The following DNAAF1 variants were observed in gnomAD, a reference collection of about 807,000 sequenced individuals.
DNAAF1 encodes the protein dynein axonemal assembly factor 1, also known as dynein assembly factor 1, axonemal.
A neutral mutation model predicts 71.1 loss-of-function variants in DNAAF1; 65 were observed. The observed-to-expected ratio is 0.91, with a 90% CI of 0.75 to 1.12. The LOEUF (loss-of-function observed/expected upper bound fraction) is 1.12, where lower values mean the gene tolerates loss of function less well. Ranked by LOEUF, DNAAF1 falls within the 50% of genes most tolerant of loss-of-function variation. DNAAF1 has a pLI of 0.00. For missense variants in DNAAF1, 1,178 were observed against 899.8 expected, an observed-to-expected ratio of 1.31 and a Z score of -3.96; for synonymous variants, 414 against 354.6, an observed-to-expected ratio of 1.17 and a Z score of -1.88.
In DNAAF1 at chr16:84,154,676, C is replaced by G. The variant is rs200506263; in HGVS notation, c.452C>G (p.Thr151Ser). ...AAAATCGAAAACCTGGAGGCCCAAACTGAGTTGCGTTGCCTCTTCTTGCAA... is the reference window on the plus strand; with the variant it reads ...AAAATCGAAAACCTGGAGGCCCAAAGTGAGTTGCGTTGCCTCTTCTTGCAA... ...IQKIENLEAQ[T>S]ELRCLFLQMN... Residue 151 changes from threonine (T) to serine (S), a missense_variant, in exon 4 of 12, where the codon ACT (threonine) becomes AGT (serine). Physicochemically the swap from Thr to Ser is moderately conservative, Grantham distance 58 (BLOSUM62 1). Coordinates refer to ENST00000378553, the MANE Select transcript of DNAAF1 (RefSeq NM_178452.6). The G allele has an allele frequency of 1.9e-6, 3 of 1,614,176 alleles. No individual in the cohort carries two copies. Among genetic ancestry groups the G allele is most frequent in the South Asian group, 1.1e-5 (1 of 91,084 alleles).
chr16:84,164,233 G>C (rs1400394181), intron 6 of DNAAF1, among the ~76,000 whole-genome samples: 1 of 152,220 alleles, frequency 6.6e-6, no homozygotes, highest in Non-Finnish European at 1.5e-5. Flanking sequence ...TGGTACGTTT[G>C]TGACAAGCGA....
In DNAAF1 at chr16:84,145,346, G is replaced by A. The variant is rs2086848562; in HGVS notation, c.-95G>A. ...CGCCAGCGGCTGGCGAAGAAGGAAAGAGGGTACTCTCTGGCTGGGCTGGGG... is the reference window on the plus strand; with the variant it reads ...CGCCAGCGGCTGGCGAAGAAGGAAAAAGGGTACTCTCTGGCTGGGCTGGGG... On this transcript the variant is annotated 5_prime_UTR_variant, in exon 1 of 12. Transcript: ENST00000378553. The A allele has an allele frequency of 2.6e-6, 4 of 1,532,182 alleles. No individual in the cohort carries two copies. The South Asian group carries it at 3.6e-5, about 14-fold the overall frequency. 94.9% of individuals were successfully genotyped at this position (1,532,182 alleles called of 1,614,324 possible).
Position 84,159,690 on chromosome 16 carries a change from A to T in DNAAF1, c.757A>T (p.Met253Leu). ...SMPDLRVLNL[M>L]GNPVIRQIPN... ...CTTCTTGCAGCGTGTACTGAATTTG[A>T]TGGGAAACCCGGTTATCAGACAGAT... The change falls in exon 6 of 12, where the codon ATG becomes TTG. Residue 253 changes from methionine (M) to leucine (L), a missense_variant. Met to Leu is a conservative substitution (Grantham distance 15, BLOSUM62 2). Transcript: ENST00000378553. The T allele has an allele frequency of 6.2e-7, 1 of 1,613,316 alleles. No homozygotes were observed. Among genetic ancestry groups the T allele is most frequent in the Non-Finnish European group, 8.5e-7 (1 of 1,179,494 alleles).
At chr16:84,157,259 A>C (rs536543361) in intron 5 of DNAAF1, among the ~76,000 whole-genome samples, 10 of 152,174 alleles carry the variant, frequency 6.6e-5, no homozygotes, top group African/African-American at 2.4e-4. Context: ...ATGGTGGCCC[A>C]CACCTGTAAT....
In DNAAF1 at chr16:84,155,663, T is replaced by C. The variant is rs773607269; in HGVS notation, c.655T>C (p.Cys219Arg). The change falls in exon 5 of 12, where the codon TGT (cysteine) becomes CGT (arginine). Residue 219 changes from cysteine to arginine, a missense_variant. By Grantham distance (180) the Cys-to-Arg change is radical. Transcript: ENST00000378553. ...GGAGGACATTCAGCATCTACAAGAG[T>C]GTTTGAGGCTTTGTGTCCTTGACCT... Reference protein sequence around the residue: ...TVEDIQHLQECLRLCVLDLSH... With the variant: ...TVEDIQHLQERLRLCVLDLSH... 34 of 1,613,862 alleles carry C rather than the reference T, an allele frequency of 2.1e-5. No homozygotes were observed. The highest frequency in any genetic ancestry group is 1.3e-4 in the African/African-American group (10 of 74,846).
intron 5 of DNAAF1, among the ~76,000 whole-genome samples, chr16:84,156,812 TTC>T (rs1365734371): frequency 1.3e-4 from 19 of 151,902 alleles, no homozygotes; most frequent in Middle Eastern, 3.4e-3. Context: ...CATTTTTCTT[TTC>T]TTTTCTTTTC....
At chr16:84,147,918 A>G (rs2151202956) in intron 1 of DNAAF1, among the ~76,000 whole-genome samples, 1 of 152,246 alleles carries the variant, frequency 6.6e-6, no homozygotes, top group Admixed American at 6.5e-5. Flanking sequence ...ATACAAAAAA[A>G]TTAGCTAGGC....
intron 7 of DNAAF1, among the ~76,000 whole-genome samples, chr16:84,169,079 T>C (rs2088182093): frequency 6.4e-5 from 3 of 47,092 alleles, no homozygotes; most frequent in East Asian, 4.7e-4. Flanking sequence ...CAAGGATACT[T>C]TTTTTTTTTT....
intron 7 of DNAAF1, among the ~76,000 whole-genome samples, chr16:84,169,317 G>A (rs907835768): frequency 2.6e-5 from 4 of 151,424 alleles, no homozygotes; most frequent in African/African-American, 9.7e-5. Flanking sequence ...AACTCCTGAT[G>A]TCAAATGATC....
rs748502427 is a variant in DNAAF1, at chr16:84,155,568, G to A, written c.575-15G>A. On this transcript the variant is annotated splice_polypyrimidine_tract_variant and intron_variant, in intron 4 of 11. Coordinates refer to ENST00000378553, the MANE Select transcript of DNAAF1 (RefSeq NM_178452.6). ...TATGCCTTTGTTTTTGACTTCTGCT[G>A]ACCTTACCTTCCAGCCTGCCTCCCA... 6 of 1,613,876 alleles carry A rather than the reference G, an allele frequency of 3.7e-6. No homozygotes were observed. Among genetic ancestry groups the A allele is most frequent in the Non-Finnish European group, 4.2e-6 (5 of 1,179,936 alleles).
intron 2 of DNAAF1, 47 bp from the exon 3 acceptor site, chr16:84,150,204 A>C (rs2087119689): frequency 2.1e-6 from 3 of 1,407,278 alleles, no homozygotes; most frequent in African/African-American, 2.8e-5. Context: ...TATGTTTTAC[A>C]GCTGACAATT....
intron 7 of DNAAF1, among the ~76,000 whole-genome samples, chr16:84,168,927 C>T (rs1290965911): frequency 1.3e-5 from 2 of 151,774 alleles, no homozygotes; most frequent in East Asian, 1.9e-4. Flanking sequence ...AGTGCTTCAG[C>T]GTGCATCTCC....
Position 84,169,796 on chromosome 16 carries a change from C to T in DNAAF1, c.1031-63C>T, listed in dbSNP as rs1450346018. Reference sequence around the variant, plus strand: ...AAGTTTGCTGTGAGCCCTTGATGTACCCACAAACACCCTTGTCCTCCCAGG... The same window carrying T: ...AAGTTTGCTGTGAGCCCTTGATGTATCCACAAACACCCTTGTCCTCCCAGG... On this transcript the variant is annotated intron_variant, in intron 7 of 11. Coordinates refer to ENST00000378553, the MANE Select transcript of DNAAF1 (RefSeq NM_178452.6). 2.5e-6 allele frequency: 4 copies of T among 1,608,802 alleles called. No homozygotes were observed. The South Asian group carries it at 4.4e-5, about 18-fold the overall frequency.
chr16:84,155,215 G>A (rs947266237), intron 4 of DNAAF1, among the ~76,000 whole-genome samples: 3 of 151,194 alleles, frequency 2.0e-5, no homozygotes, highest in African/African-American at 7.3e-5. Context: ...GCCAAGAAGT[G>A]TTTTTGGTTT....
chr16:84,172,766 A>G, intron 9 of DNAAF1: 2 of 1,122,314 alleles, frequency 1.8e-6, no homozygotes, highest in Non-Finnish European at 2.2e-6. Context: ...GTTACATTGT[A>G]TCTTTATACA....
intron 7 of DNAAF1, among the ~76,000 whole-genome samples, chr16:84,169,018 G>T (rs2088177298): frequency 6.6e-6 from 1 of 151,134 alleles, no homozygotes; most frequent in Non-Finnish European, 1.5e-5. Context: ...CCTTCCGTAG[G>T]CATTTGGCTC....
At position 84,173,441 on chromosome 16, in the gene DNAAF1, G is replaced by A. The variant is rs1037628366; in HGVS notation, c.1644+1066G>A. 1.6e-5 allele frequency: 15 copies of A among 964,852 alleles called. No individual in the cohort carries two copies. In the African/African-American group the frequency reaches 1.9e-4, roughly 12 times the overall value. 59.8% of individuals were successfully genotyped at this position (964,852 alleles called of 1,614,324 possible). ...ATCACGCCACTGCACTCCAACCTGGGCGACAGAGCGAGACTCCATCTCAAA... is the reference window on the plus strand; with the variant it reads ...ATCACGCCACTGCACTCCAACCTGGACGACAGAGCGAGACTCCATCTCAAA... On this transcript the variant is annotated intron_variant, in intron 9 of 11. Transcript: ENST00000378553.
intron 2 of DNAAF1, among the ~76,000 whole-genome samples, chr16:84,149,787 G>T (rs902963630): frequency 1.3e-5 from 2 of 151,978 alleles, no homozygotes; most frequent in African/African-American, 4.8e-5. Flanking sequence ...TACTTTGGGA[G>T]GCCAAGGTGG....
Position 84,149,019 on chromosome 16 carries a change from C to T in DNAAF1, c.137C>T (p.Pro46Leu), listed in dbSNP as rs748803341. Residue 46 changes from proline (P) to leucine (L), a missense_variant, in exon 2 of 12, where the codon CCT (proline) becomes CTT (leucine). Transcript: ENST00000378553. Reference protein sequence around the residue: ...RGGCKEEINDPKEICVGSSDT... With the variant: ...RGGCKEEINDLKEICVGSSDT... ...TTTTATTTTACAGAAATTAATGATC[C>T]TAAGGAAATATGTGTGGGTTCTTCT... is the stretch of plus-strand genomic sequence containing the variant. The T allele has an allele frequency of 1.2e-6, 2 of 1,613,894 alleles. No individual in the cohort carries two copies. Among genetic ancestry groups the T allele is most frequent in the Middle Eastern group, 1.7e-4 (1 of 6,060 alleles).
Sources: gnomAD v4.1 joint callset for allele counts (sites outside exome capture counted in the v4.1 genomes callset) on GRCh38, gnomAD v4.1.1 for gene constraint, MANE v1.5 for transcripts, NCBI Gene and HGNC (gene_info 2026-07-23, HGNC 2026-07-21) for gene names.